Variants in ACTN1 observed in about 807,000 individuals in gnomAD.
ACTN1 encodes the protein actinin alpha 1.
Under a neutral mutation model 119.6 loss-of-function variants are expected in ACTN1, and 30 were observed. The ratio of observed to expected loss-of-function variants is 0.25; its 90% CI spans 0.19 to 0.34. The LOEUF (loss-of-function observed/expected upper bound fraction) is 0.34, where lower values mean the gene tolerates loss of function less well. Among genes scored for constraint, ACTN1 ranks in the 10% least tolerant of loss-of-function variants. ACTN1 has a pLI of 1.00. For missense variants in ACTN1, 764 were observed against 1,223.4 expected (o/e 0.62, Z 5.60); for synonymous variants, 429 against 472.6 (o/e 0.91, Z 1.20).
intron 21 of ACTN1, among the ~76,000 whole-genome samples, chr14:68,875,600 G>A (rs1416386450): frequency 2.6e-5 from 4 of 152,228 alleles, no homozygotes; most frequent in Non-Finnish European, 4.4e-5. Context: ...CTCATGATAG[G>A]TCTACTTGGA....
At chr14:68,972,487 G>A (rs2036920927) in intron 1 of ACTN1, among the ~76,000 whole-genome samples, 1 of 152,112 alleles carries the variant, frequency 6.6e-6, no homozygotes. Flanking sequence ...AATTTCTTAG[G>A]TTTTTAAAAA....
intron 1 of ACTN1, among the ~76,000 whole-genome samples, chr14:68,960,465 T>C (rs766218074): frequency 3.9e-5 from 6 of 152,176 alleles, no homozygotes; most frequent in Non-Finnish European, 7.4e-5. Context: ...ATTGCATAAC[T>C]GAAATATATA....
intron 3 of ACTN1, among the ~76,000 whole-genome samples, chr14:68,915,536 C>T (rs1425324922): frequency 6.6e-6 from 1 of 152,178 alleles, no homozygotes; most frequent in African/African-American, 2.4e-5. Flanking sequence ...GCTTAGAGTT[C>T]AGTATGAAGC....
chr14:68,879,364 C>T lies in ACTN1; in HGVS notation c.2281-295G>A, dbSNP rs1278691883. ...AAGCTCCCTCAGAAGTGACCCAGCC[C>T]CCCCGCTTCCCCAGGGGCTTCCCCC... On this transcript the variant is annotated intron_variant, in intron 18 of 21. Transcript: ENST00000394419. The surrounding 1 kb of genome is among the most constrained non-coding windows in gnomAD (Gnocchi z 4.9). Among the ~76,000 whole-genome samples, 1 of 152,060 alleles carries T rather than the reference C, an allele frequency of 6.6e-6. No individual in the cohort carries two copies. The highest frequency in any genetic ancestry group is 1.5e-5 in the Non-Finnish European group (1 of 67,982).
intron 3 of ACTN1, among the ~76,000 whole-genome samples, chr14:68,913,374 A>C (rs1225598312): frequency 4.6e-5 from 7 of 152,210 alleles, no homozygotes; most frequent in Admixed American, 4.6e-4. Context: ...CGCTCAGTTA[A>C]GAGTAAGGTA....
rs545036044 is a variant in ACTN1 at position 68,925,286 on chromosome 14, G to A, written c.220+272C>T. Among the ~76,000 whole-genome samples, 1 of 151,854 alleles carries A rather than the reference G, an allele frequency of 6.6e-6. No homozygotes were observed. The highest frequency in any genetic ancestry group is 2.1e-4 in the South Asian group (1 of 4,794). On this transcript the variant is annotated intron_variant, in intron 2 of 21. Transcript: ENST00000394419. This position sits in a 1 kb window ranked among gnomAD's most constrained non-coding sequence, Gnocchi z 4.3. The stretch of plus-strand genomic sequence containing the variant: ...TCTTGGCCACAGAATCCTGGCACTG[G>A]GGAGGAGAAGGAACCTCAGTTCCTT...
At chr14:68,931,336 GA>G (rs2035213341) in intron 1 of ACTN1, among the ~76,000 whole-genome samples, 1 of 152,238 alleles carries the variant, frequency 6.6e-6, no homozygotes, top group African/African-American at 2.4e-5. Context: ...GACAGAGGCA[GA>G]GCCCAGGGAC....
At chr14:68,978,795 C>G in intron 1 of ACTN1, 157 bp downstream of exon 1, 1 of 469,594 alleles carries the variant, frequency 2.1e-6, no homozygotes, top group East Asian at 3.9e-5. Context: ...GCGCCTGTAA[C>G]CCAACACCCC....
intron 1 of ACTN1, among the ~76,000 whole-genome samples, chr14:68,943,628 G>A (rs554009892): frequency 2.0e-5 from 3 of 152,302 alleles, no homozygotes; most frequent in East Asian, 3.9e-4. Context: ...CCCAAGGGGA[G>A]GTGAGGGAAG....
chr14:68,959,179 C>T (rs2036447824), intron 1 of ACTN1, among the ~76,000 whole-genome samples: 1 of 152,188 alleles, frequency 6.6e-6, no homozygotes, highest in South Asian at 2.1e-4. Flanking sequence ...ACAGAGTCTC[C>T]AAGAAGTGCT....
At chr14:68,945,328 A>T (rs887124805) in intron 1 of ACTN1, among the ~76,000 whole-genome samples, 1 of 152,034 alleles carries the variant, frequency 6.6e-6, no homozygotes, top group African/African-American at 2.4e-5. Flanking sequence ...CTGGAGATCA[A>T]CTAGCCACAT....
chr14:68,952,498 TA>T (rs1425293984), intron 1 of ACTN1, among the ~76,000 whole-genome samples: 5 of 152,218 alleles, frequency 3.3e-5, no homozygotes, highest in Admixed American at 1.3e-4. Context: ...CTCCAAGTTG[TA>T]ACTGTCGGGC....
intron 1 of ACTN1, among the ~76,000 whole-genome samples, chr14:68,964,105 G>T (rs894769294): frequency 5.3e-5 from 8 of 152,274 alleles, no homozygotes; most frequent in African/African-American, 1.9e-4. Context: ...ACCCATCAAA[G>T]GATGAACAGC....
rs2033006859 is a variant in ACTN1 at position 68,898,088 on chromosome 14, G to T, written c.763-4341C>A. On this transcript the variant is annotated intron_variant, in intron 8 of 21. Transcript: ENST00000394419. ...ACCTGCCCTGCTCAGATCTGGGGCA[G>T]AGCAGGGCACTGGTCAGACCGCAGC... Among the ~76,000 whole-genome samples, 3 of 152,240 alleles carry T rather than the reference G, an allele frequency of 2.0e-5. No homozygotes were observed. The South Asian group carries it at 6.2e-4, about 32-fold the overall frequency.
chr14:68,960,911 T>G (rs143288764), intron 1 of ACTN1, among the ~76,000 whole-genome samples: 128 of 152,062 alleles, frequency 8.4e-4, no homozygotes, highest in South Asian at 4.2e-4. Flanking sequence ...TACAAAAGAA[T>G]GTAAAAATTA....
At chr14:68,962,854 C>T (rs2140622574) in intron 1 of ACTN1, among the ~76,000 whole-genome samples, 1 of 152,292 alleles carries the variant, frequency 6.6e-6, no homozygotes, top group African/African-American at 2.4e-5. Flanking sequence ...GGTCTATAAT[C>T]CTCTCAATGT....
rs181977584 is a variant in ACTN1 at position 68,902,075 on chromosome 14, A to G, written c.762+402T>C. Among the ~76,000 whole-genome samples, 137 of 152,312 alleles carry G rather than the reference A, an allele frequency of 9.0e-4. 1 individual carries two copies. Among genetic ancestry groups the G allele is most frequent in the Middle Eastern group, 3.4e-3 (1 of 294 alleles). ...GTGAAGACTGGAGGTGTCTCCCAGC[A>G]TTGCCCTTCTAAGGGAGCTCCAGCT... On this transcript the variant is annotated intron_variant, in intron 8 of 21. Coordinates refer to ENST00000394419, the MANE Select transcript of ACTN1 (RefSeq NM_001130004.2).
chr14:68,923,752 G>A (rs568022583), intron 2 of ACTN1, among the ~76,000 whole-genome samples: 1 of 152,066 alleles, frequency 6.6e-6, no homozygotes, highest in East Asian at 1.9e-4. Flanking sequence ...TCCACTTTGG[G>A]GAATATACAA....
intron 20 of ACTN1, chr14:68,877,597 A>G: frequency 4.7e-6 from 1 of 212,240 alleles, no homozygotes; most frequent in East Asian, 1.3e-4. Flanking sequence ...AACCATAAAG[A>G]TAGGTATTTT....
Sources: allele counts gnomAD v4.1 joint callset (sites outside exome capture counted in the v4.1 genomes callset), GRCh38; gene constraint gnomAD v4.1.1; non-coding constraint Gnocchi (gnomAD v3.1); transcripts MANE v1.5; gene names NCBI Gene and HGNC (gene_info 2026-07-23, HGNC 2026-07-21).